Variants in MBNL1 observed in about 807,000 individuals in gnomAD.
MBNL1 encodes muscleblind-like protein 1.
MBNL1 carries 8 observed loss-of-function variants against 42.2 expected under a neutral mutation model. The ratio of observed to expected loss-of-function variants is 0.19; its 90% CI spans 0.11 to 0.34. MBNL1 has a LOEUF of 0.34. Among genes scored for constraint, MBNL1 ranks in the 10% least tolerant of loss-of-function variants. MBNL1 has a pLI of 1.00. For synonymous variants in MBNL1, 169 were observed against 173.9 expected (o/e 0.97, Z 0.22); for missense variants, 309 against 495.3 (o/e 0.62, Z 3.57).
At chr3:152,460,006 C>T (rs934243051) in intron 9 of MBNL1, among the ~76,000 whole-genome samples, 10 of 152,024 alleles carry the variant, frequency 6.6e-5, no homozygotes, top group African/African-American at 2.4e-4. Flanking sequence ...GTAATCCAAG[C>T]ACTTTGGGAG....
In MBNL1 at chr3:152,297,344, G is replaced by GT. The variant is rs1201662855; in HGVS notation, c.-789-2042dup. Among the ~76,000 whole-genome samples, 473 of 124,318 alleles carry GT rather than the reference G, an allele frequency of 3.8e-3. 2 individuals are homozygous for GT. The highest frequency in any genetic ancestry group is 6.8e-3 in the African/African-American group (228 of 33,492). The allele number at this position is 124,318 out of a possible 152,430, so 81.6% of individuals were successfully genotyped here. On this transcript the variant is annotated intron_variant, in intron 1 of 9. Coordinates refer to ENST00000324210, the MANE Select transcript of MBNL1 (RefSeq NM_021038.5). ...ATATTTCTTGAACACTGGGGATGAG[G>GT]TTTTTTTTTTTTTTTTTTTGATGGA... is the stretch of plus-strand genomic sequence containing the variant.
chr3:152,307,733 T>C (rs1242417757), intron 2 of MBNL1, among the ~76,000 whole-genome samples: 1 of 152,212 alleles, frequency 6.6e-6, no homozygotes, highest in Non-Finnish European at 1.5e-5. Flanking sequence ...CTGGAAAACA[T>C]TGCTTCTTAA....
chr3:152,441,613 G>A (rs903878110), intron 4 of MBNL1, among the ~76,000 whole-genome samples: 1 of 152,114 alleles, frequency 6.6e-6, no homozygotes, highest in African/African-American at 2.4e-5. Context: ...ATTATTTAAA[G>A]TTTATAATTA....
chr3:152,293,366 T>C (rs1263555305), intron 1 of MBNL1, among the ~76,000 whole-genome samples: 1 of 152,228 alleles, frequency 6.6e-6, no homozygotes, highest in African/African-American at 2.4e-5. Flanking sequence ...CCTTAGTGAA[T>C]ACAGAGATGG....
At chr3:152,375,461 G>A (rs2096856549) in intron 2 of MBNL1, among the ~76,000 whole-genome samples, 1 of 152,012 alleles carries the variant, frequency 6.6e-6, no homozygotes, top group Non-Finnish European at 1.5e-5. Flanking sequence ...TAATAATAAA[G>A]ATTTAGATCT....
At chr3:152,420,995 G>A (rs143428599) in intron 3 of MBNL1, among the ~76,000 whole-genome samples, 2,076 of 152,246 alleles carry the variant, frequency 0.014, 19 homozygotes, top group Middle Eastern at 0.041. Flanking sequence ...TAGCTGAATC[G>A]ATCAAGTGGA....
At chr3:152,451,049 T>G (rs966297199) in intron 6 of MBNL1, among the ~76,000 whole-genome samples, 10 of 152,218 alleles carry the variant, frequency 6.6e-5, no homozygotes, top group Non-Finnish European at 1.5e-5. Flanking sequence ...ATTTAATAAT[T>G]TGGAAGGTAC....
chr3:152,316,551 G>A (rs555556047), intron 2 of MBNL1, among the ~76,000 whole-genome samples: 1 of 152,222 alleles, frequency 6.6e-6, no homozygotes, highest in African/African-American at 2.4e-5. Flanking sequence ...TCACCCCACT[G>A]CTTGCTCTAT....
intron 2 of MBNL1, among the ~76,000 whole-genome samples, chr3:152,390,336 G>T (rs112792079): frequency 1.0e-3 from 153 of 151,568 alleles, no homozygotes; most frequent in African/African-American, 3.6e-3. Flanking sequence ...ACAGGGTTGG[G>T]ACCATTAATA....
At chr3:152,410,235 T>A (rs2098535046) in intron 2 of MBNL1, among the ~76,000 whole-genome samples, 1 of 152,166 alleles carries the variant, frequency 6.6e-6, no homozygotes, top group Non-Finnish European at 1.5e-5. Flanking sequence ...AAATGTATAT[T>A]TTCCCTTATT....
intron 1 of MBNL1, among the ~76,000 whole-genome samples, chr3:152,283,707 A>C (rs2049889886): frequency 6.6e-6 from 1 of 152,188 alleles, no homozygotes; most frequent in African/African-American, 2.4e-5. Flanking sequence ...CTTCAGCCCA[A>C]AGTTCCAGGG....
At chr3:152,269,502 C>T (rs111816082) in intron 1 of MBNL1, 188 of 455,196 alleles carry the variant, frequency 4.1e-4, no homozygotes, top group African/African-American at 3.3e-3. Context: ...CCGGCGGCTC[C>T]CGCATCCCTG....
At chr3:152,259,722 A>G (rs2035957308) in intron 2 of MBNL1, among the ~76,000 whole-genome samples, 1 of 152,238 alleles carries the variant, frequency 6.6e-6, no homozygotes, top group Non-Finnish European at 1.5e-5. Context: ...GCCACTTAAC[A>G]CAAATAGTCA....
intron 2 of MBNL1, among the ~76,000 whole-genome samples, chr3:152,369,973 G>GTTGA (rs920925893): frequency 6.6e-6 from 1 of 151,998 alleles, no homozygotes; most frequent in African/African-American, 2.4e-5. Flanking sequence ...TCCTGGATTC[G>GTTGA]TTGATTGTTT....
intron 4 of MBNL1, 80 bp from the exon 5 acceptor site, chr3:152,445,202 C>A: frequency 1.6e-6 from 2 of 1,280,046 alleles, no homozygotes; most frequent in Non-Finnish European, 1.1e-6. Context: ...TGTCACCAGT[C>A]TTGCACTTTA....
intron 3 of MBNL1, among the ~76,000 whole-genome samples, chr3:152,417,909 G>T (rs866341014): frequency 6.6e-6 from 1 of 152,278 alleles, no homozygotes; most frequent in Middle Eastern, 3.4e-3. Context: ...GGGTTATTAT[G>T]CAACCAAGTT....
chr3:152,386,682 A>G (rs2097441607), intron 2 of MBNL1, among the ~76,000 whole-genome samples: 1 of 152,070 alleles, frequency 6.6e-6, no homozygotes, highest in South Asian at 2.1e-4. Context: ...TGATACAGAC[A>G]CTTAGGGCTT....
At chr3:152,410,587 A>C (rs2098543698) in intron 2 of MBNL1, among the ~76,000 whole-genome samples, 2 of 152,212 alleles carry the variant, frequency 1.3e-5, no homozygotes. Flanking sequence ...CCTTGAATGG[A>C]GCCTAAGGGA....
chr3:152,460,579 C>T (rs1743712801), intron 9 of MBNL1, among the ~76,000 whole-genome samples: 1 of 137,446 alleles, frequency 7.3e-6, no homozygotes, highest in South Asian at 2.4e-4. Context: ...CTAACCTGCA[C>T]AATGTGCACA....
Sources: gnomAD v4.1 joint callset for allele counts (sites outside exome capture counted in the v4.1 genomes callset) on GRCh38, gnomAD v4.1.1 for gene constraint, MANE v1.5 for transcripts, NCBI Gene and HGNC (gene_info 2026-07-23, HGNC 2026-07-21) for gene names.